SLC7A6: variants seen among roughly 807,000 people sequenced by gnomAD.
SLC7A6 encodes the protein solute carrier family 7 member 6, also known as Y+L amino acid transporter 2.
In SLC7A6, 29 loss-of-function variants were observed where a neutral mutation model predicts 46.6. That is an observed-to-expected ratio of 0.62 (90% CI 0.46 to 0.85). The LOEUF (loss-of-function observed/expected upper bound fraction) is 0.85. Ranked by LOEUF, SLC7A6 falls within the 40% of genes least tolerant of loss-of-function variation. The pLI, the probability that SLC7A6 is intolerant of heterozygous loss-of-function variation, is 0.00. For missense variants in SLC7A6, 527 were observed against 647.6 expected, an observed-to-expected ratio of 0.81 and a Z score of 2.02; for synonymous variants, 276 against 257.3, an observed-to-expected ratio of 1.07 and a Z score of -0.70.
chr16:68,269,004 TA>T (rs552593540), intron 2 of SLC7A6, among the ~76,000 whole-genome samples: 108 of 144,904 alleles, frequency 7.5e-4, no homozygotes, highest in African/African-American at 5.5e-4. Flanking sequence ...AAACTCCGTC[TA>T]AAAAAAAAAA....
intron 3 of SLC7A6, among the ~76,000 whole-genome samples, chr16:68,279,313 G>C (rs933342616): frequency 1.2e-4 from 18 of 152,180 alleles, no homozygotes; most frequent in African/African-American, 4.3e-4. Flanking sequence ...CTGCACTCCA[G>C]CCTAGGTGAC....
At position 68,294,759 on chromosome 16, in the gene SLC7A6, C is replaced by T; in HGVS notation, c.1077C>T (p.Ile359=). 1 of 1,614,076 alleles carries T rather than the reference C, an allele frequency of 6.2e-7. No homozygotes were observed. Among genetic ancestry groups the T allele is most frequent in the South Asian group, 1.1e-5 (1 of 91,088 alleles). Residue 359 remains isoleucine (I), a synonymous_variant, in exon 8 of 11, where the codon ATC becomes ATT. Coordinates refer to ENST00000219343, the MANE Select transcript of SLC7A6 (RefSeq NM_003983.6). The part of the protein sequence containing the change: ...EGHLPDLLSM[I]HIERFTPIPA... ...ACCTACCGGACCTTCTGTCCATGAT[C>T]CACATTGAGCGTTTTACACCTATCC...
Position 68,274,735 on chromosome 16 carries a change from C to A in SLC7A6, c.9C>A (p.Ala3=), listed in dbSNP as rs377088390. ...TGCAGGAACCGTTTGTCATGGAAGCCAGGGAGCCTGGGAGGCCCACACCCA... is the reference window on the plus strand; with the variant it reads ...TGCAGGAACCGTTTGTCATGGAAGCAAGGGAGCCTGGGAGGCCCACACCCA... ME[A]REPGRPTPTY... Residue 3 remains alanine (A), a synonymous_variant, in exon 3 of 11, where the codon GCC becomes GCA. Transcript: ENST00000219343. 3 of 1,614,006 alleles carry A rather than the reference C, an allele frequency of 1.9e-6. No individual in the cohort carries two copies. The highest frequency in any genetic ancestry group is 2.5e-6 in the Non-Finnish European group (3 of 1,179,878).
At position 68,297,625 on chromosome 16, in the gene SLC7A6, C is replaced by A. The variant is rs2043196851; in HGVS notation, c.*297C>A. The A allele has an allele frequency of 3.6e-6, 1 of 279,200 alleles. No homozygotes were observed. Among genetic ancestry groups the A allele is most frequent in the Non-Finnish European group, 6.8e-6 (1 of 148,070 alleles). 17.3% of individuals were successfully genotyped at this position (279,200 alleles called of 1,614,324 possible). ...TTACAGATATTTACTTGGTAAAGTG[C>A]AGTGGGGAAGAGGGAATGCTAGGTT... On this transcript the variant is annotated 3_prime_UTR_variant, in exon 11 of 11. Transcript: ENST00000219343.
Position 68,301,207 on chromosome 16 carries a change from G to C in SLC7A6, c.*3879G>C, listed in dbSNP as rs2043266239. ...TAGGAAACCTAACAGGATGTCAGCA[G>C]GGCAGTTAACTCTGGACTCAGAGCC... is the stretch of plus-strand genomic sequence containing the variant. On this transcript the variant is annotated 3_prime_UTR_variant, in exon 11 of 11. Coordinates refer to ENST00000219343, the MANE Select transcript of SLC7A6 (RefSeq NM_003983.6). The C allele has an allele frequency of 1.3e-6, 2 of 1,563,752 alleles. No homozygotes were observed. Among genetic ancestry groups the C allele is most frequent in the Non-Finnish European group, 1.7e-6 (2 of 1,150,180 alleles).
rs748506811 is a variant in SLC7A6 at position 68,291,289 on chromosome 16, T to C, written c.875T>C (p.Val292Ala). The change falls in exon 6 of 11, where the codon GTG becomes GCG. Residue 292 changes from valine to alanine, a missense_variant. Val to Ala is a moderately conservative substitution (Grantham distance 64, BLOSUM62 0). Coordinates refer to ENST00000219343, the MANE Select transcript of SLC7A6 (RefSeq NM_003983.6). ...CTGACCAATGTGGCCTATTACACAG[T>C]GCTGAACATTTCAGATGTCCTTAGC... is the stretch of plus-strand genomic sequence containing the variant. ...YILTNVAYYT[V>A]LNISDVLSSD... 33 of 1,614,234 alleles carry C rather than the reference T, an allele frequency of 2.0e-5. 1 individual carries two copies. In the South Asian group the frequency reaches 3.2e-4, roughly 16 times the overall value.
intron 2 of SLC7A6, among the ~76,000 whole-genome samples, chr16:68,268,876 G>A (rs574715808): frequency 1.4e-4 from 21 of 152,038 alleles, no homozygotes; most frequent in South Asian, 2.1e-4. Context: ...GTGTGGTGGC[G>A]CATGCCTGTA....
intron 2 of SLC7A6, among the ~76,000 whole-genome samples, chr16:68,269,968 C>T (rs1377801422): frequency 1.3e-5 from 2 of 152,044 alleles, no homozygotes; most frequent in Non-Finnish European, 2.9e-5. Context: ...TGGGGTCTTG[C>T]TATGTTGCCC....
rs2043266064 is a variant in SLC7A6, at chr16:68,301,200, G to GTCAGCAGGGCAGTTAACTCTGGAC, written c.*3877_*3900dup. 3 of 1,540,952 alleles carry GTCAGCAGGGCAGTTAACTCTGGAC rather than the reference G, an allele frequency of 1.9e-6. No individual in the cohort carries two copies. Among genetic ancestry groups the GTCAGCAGGGCAGTTAACTCTGGAC allele is most frequent in the Non-Finnish European group, 2.6e-6 (3 of 1,137,786 alleles). ...GTTAAGCTAGGAAACCTAACAGGAT[G>GTCAGCAGGGCAGTTAACTCTGGAC]TCAGCAGGGCAGTTAACTCTGGACT... On this transcript the variant is annotated 3_prime_UTR_variant, in exon 11 of 11. Coordinates refer to ENST00000219343, the MANE Select transcript of SLC7A6 (RefSeq NM_003983.6).
At position 68,301,546 on chromosome 16, in the gene SLC7A6, ATTC is replaced by A. The variant is rs2043276320; in HGVS notation, c.*4221_*4223del. On this transcript the variant is annotated 3_prime_UTR_variant, in exon 11 of 11. Transcript: ENST00000219343. Reference sequence around the variant, plus strand: ...CTCAATAAATAAAAAAGAATATAGAATTCTTTTTTTTTTAAAGAAGGAATCACT... The same window carrying A: ...CTCAATAAATAAAAAAGAATATAGAATTTTTTTTTTAAAGAAGGAATCACT... The A allele has an allele frequency of 1.6e-6, 1 of 642,164 alleles. No individual in the cohort carries two copies. The highest frequency in any genetic ancestry group is 2.4e-6 in the Non-Finnish European group (1 of 414,286). The allele number at this position is 642,164 out of a possible 1,614,324, so 39.8% of individuals were successfully genotyped here. A position where few individuals can be genotyped will look rare whatever the true frequency, so the allele number is the denominator to read the frequency against.
intron 3 of SLC7A6, among the ~76,000 whole-genome samples, chr16:68,278,559 C>G (rs1347489254): frequency 1.3e-5 from 2 of 151,064 alleles, no homozygotes; most frequent in Non-Finnish European, 2.9e-5. Context: ...CAAAGCACAT[C>G]TTGCACTGCC....
At position 68,301,036 on chromosome 16, in the gene SLC7A6, T is replaced by C. The variant is rs1278017423; in HGVS notation, c.*3708T>C. The C allele has an allele frequency of 5.9e-6, 7 of 1,177,918 alleles. No individual in the cohort carries two copies. Among genetic ancestry groups the C allele is most frequent in the Non-Finnish European group, 7.3e-6 (7 of 954,222 alleles). 73.0% of individuals were successfully genotyped at this position (1,177,918 alleles called of 1,614,324 possible). ...CCTTCCTTTTTTCAACGTTTTTTTT[T>C]CTTTCAAACTGTAGGGTCACTTTTG... On this transcript the variant is annotated 3_prime_UTR_variant, in exon 11 of 11. Transcript: ENST00000219343.
At position 68,290,411 on chromosome 16, in the gene SLC7A6, T is replaced by A; in HGVS notation, c.665T>A (p.Phe222Tyr). The change falls in exon 5 of 11, where the codon TTT becomes TAT. Residue 222 changes from phenylalanine (F) to tyrosine (Y), a missense_variant. Coordinates refer to ENST00000219343, the MANE Select transcript of SLC7A6 (RefSeq NM_003983.6). ...VKLCQGHSEH[F>Y]QDAFEGSSWD... ...GCCCCCACAGGACACTCTGAGCACT[T>A]TCAGGACGCCTTTGAGGGTTCCTCC... is the stretch of plus-strand genomic sequence containing the variant. 1 of 1,614,116 alleles carries A rather than the reference T, an allele frequency of 6.2e-7. No homozygotes were observed. Among genetic ancestry groups the A allele is most frequent in the South Asian group, 1.1e-5 (1 of 91,084 alleles).
chr16:68,287,311 C>G (rs2042956202), intron 3 of SLC7A6: 1 of 1,288,572 alleles, frequency 7.8e-7, no homozygotes. Context: ...CACTGTCTCT[C>G]TAATTTCTTA....
At chr16:68,290,222 C>A in intron 4 of SLC7A6, 174 bp from the exon 5 acceptor site, 2 of 617,608 alleles carry the variant, frequency 3.2e-6, no homozygotes, top group Non-Finnish European at 5.4e-6. Flanking sequence ...TTTTTCTTTC[C>A]CCTGCCTTCT....
Position 68,297,428 on chromosome 16 carries a change from T to C in SLC7A6, c.*100T>C. The C allele has an allele frequency of 1.0e-6, 1 of 972,386 alleles. No individual in the cohort carries two copies. The highest frequency in any genetic ancestry group is 1.6e-6 in the Non-Finnish European group (1 of 639,696). 60.2% of individuals were successfully genotyped at this position (972,386 alleles called of 1,614,324 possible). ...CAACTCTCCTGAATTAAAGGAGCCT[T>C]TTGACCCAATCATATAGTGGGGCTC... On this transcript the variant is annotated 3_prime_UTR_variant, in exon 11 of 11. Coordinates refer to ENST00000219343, the MANE Select transcript of SLC7A6 (RefSeq NM_003983.6).
intron 2 of SLC7A6, among the ~76,000 whole-genome samples, chr16:68,271,486 GT>G (rs2042622840): frequency 2.0e-5 from 3 of 151,656 alleles, no homozygotes; most frequent in African/African-American, 7.3e-5. Flanking sequence ...AACTTTTGTA[GT>G]TTTTTGGTGT....
Position 68,287,734 on chromosome 16 carries a change from T to C in SLC7A6, c.524-12T>C, listed in dbSNP as rs1242337267. ...CTCAAGCCTGCCAGTGACTTTGTGG[T>C]TTTCCTCCTAGGTCTGCTGACATTT... On this transcript the variant is annotated splice_polypyrimidine_tract_variant and intron_variant, in intron 3 of 10. Transcript: ENST00000219343. The C allele has an allele frequency of 6.2e-7, 1 of 1,610,176 alleles. No homozygotes were observed. Among genetic ancestry groups the C allele is most frequent in the Admixed American group, 1.7e-5 (1 of 59,886 alleles).
chr16:68,293,202 G>C (rs1408640300), intron 7 of SLC7A6, among the ~76,000 whole-genome samples: 2 of 152,120 alleles, frequency 1.3e-5, no homozygotes, highest in Non-Finnish European at 2.9e-5. Context: ...GATTACCTTA[G>C]GTCAGGAGTT....
Sources: allele counts gnomAD v4.1 joint callset (sites outside exome capture counted in the v4.1 genomes callset), GRCh38; gene constraint gnomAD v4.1.1; transcripts MANE v1.5; gene names NCBI Gene and HGNC (gene_info 2026-07-23, HGNC 2026-07-21).